ZFHX3: variants seen among roughly 807,000 people sequenced by gnomAD.
The protein encoded by ZFHX3 is zinc finger homeobox 3.
Under a neutral mutation model 279.1 loss-of-function variants are expected in ZFHX3, and 42 were observed. The ratio of observed to expected loss-of-function variants is 0.15; its 90% CI spans 0.12 to 0.19. The LOEUF is 0.19. ZFHX3 is among the 10% of genes least tolerant of loss of function. The probability of loss-of-function intolerance (pLI) is 1.00; values close to 1 mark genes in which losing one functional copy is unlikely to be tolerated. For synonymous variants in ZFHX3, 2,293 were observed against 1,957.8 expected (o/e 1.17, Z -4.52); for missense variants, 4,981 against 4,754.0 (o/e 1.05, Z -1.40).
chr16:72,995,272 T>C (rs995895027), intron 1 of ZFHX3, among the ~76,000 whole-genome samples: 10 of 152,104 alleles, frequency 6.6e-5, no homozygotes, highest in Non-Finnish European at 4.4e-5. Context: ...AAACAAGCTG[T>C]TCAAACTTTC....
At chr16:72,813,316 A>T (rs992621516) in intron 5 of ZFHX3, among the ~76,000 whole-genome samples, 1 of 152,188 alleles carries the variant, frequency 6.6e-6, no homozygotes, top group Non-Finnish European at 1.5e-5. Context: ...TTTCTGTTTT[A>T]CCCTGTCTAG....
chr16:73,255,223 T>G lies in ZFHX3; in HGVS notation c.-1104+1824A>C, dbSNP rs186629122. Among the ~76,000 whole-genome samples the G allele has an allele frequency of 1.7e-3, 254 of 152,350 alleles. 1 individual carries two copies. Among genetic ancestry groups the G allele is most frequent in the African/African-American group, 5.8e-3 (240 of 41,578 alleles). Reference sequence around the variant, plus strand: ...AGTCATTGTAAAGTGCCAAGGGCGTTGACATATACTTCATAAATGCTAAAT... The same window carrying G: ...AGTCATTGTAAAGTGCCAAGGGCGTGGACATATACTTCATAAATGCTAAAT... On this transcript the variant is annotated intron_variant, in intron 5 of 17. Transcript: ENST00000641206.
chr16:73,204,978 T>C (rs1464185522), intron 5 of ZFHX3, among the ~76,000 whole-genome samples: 1 of 152,204 alleles, frequency 6.6e-6, no homozygotes, highest in Non-Finnish European at 1.5e-5. Context: ...CTAATCTTAC[T>C]ACTACTAAAT....
intron 2 of ZFHX3, among the ~76,000 whole-genome samples, chr16:73,476,381 G>C (rs903694166): frequency 6.6e-6 from 1 of 152,088 alleles, no homozygotes; most frequent in Non-Finnish European, 1.5e-5. Flanking sequence ...AGAACGTGTA[G>C]GTTGATTTAC....
At chr16:72,920,679 A>G (rs1030395199) in intron 3 of ZFHX3, among the ~76,000 whole-genome samples, 1 of 152,020 alleles carries the variant, frequency 6.6e-6, no homozygotes, top group African/African-American at 2.4e-5. Context: ...TCAAAAAAAA[A>G]ATTAAAAAAA....
chr16:72,974,147 G>A lies in ZFHX3; in HGVS notation c.-49-13953C>T, dbSNP rs938830430. Among the ~76,000 whole-genome samples, 14 of 152,326 alleles carry A rather than the reference G, an allele frequency of 9.2e-5. 1 individual carries two copies. Among genetic ancestry groups the A allele is most frequent in the South Asian group, 2.1e-4 (1 of 4,824 alleles). ...TGCACTTGGCAGTTTGGGGAATGCA[G>A]GCAGAAGCAGCCAGGAGCCTTAAGT... On this transcript the variant is annotated intron_variant, in intron 1 of 9. Transcript: ENST00000268489.
chr16:72,860,400 T>C (rs2037856507), intron 4 of ZFHX3, among the ~76,000 whole-genome samples: 1 of 152,170 alleles, frequency 6.6e-6, no homozygotes, highest in Admixed American at 6.5e-5. Context: ...ATCAAACGTG[T>C]GTCCCTCCAA....
intron 3 of ZFHX3, among the ~76,000 whole-genome samples, chr16:72,934,080 A>G (rs1463778696): frequency 6.6e-6 from 1 of 152,034 alleles, no homozygotes; most frequent in African/African-American, 2.4e-5. Context: ...AGCCTCCCAA[A>G]GTGCTAGGAT....
intron 5 of ZFHX3, among the ~76,000 whole-genome samples, chr16:73,185,780 C>T (rs1212196046): frequency 6.6e-6 from 1 of 152,128 alleles, no homozygotes; most frequent in Non-Finnish European, 1.5e-5. Flanking sequence ...CATGGGCCCC[C>T]TAGATCCCCA....
chr16:73,221,425 G>T (rs1224341399), intron 5 of ZFHX3, among the ~76,000 whole-genome samples: 1 of 151,892 alleles, frequency 6.6e-6, no homozygotes, highest in East Asian at 1.9e-4. Flanking sequence ...CAATCTTTTA[G>T]TAGGTTTTGA....
At chr16:73,795,846 A>G (rs1959973003) in intron 1 of ZFHX3, among the ~76,000 whole-genome samples, 1 of 152,252 alleles carries the variant, frequency 6.6e-6, no homozygotes, top group African/African-American at 2.4e-5. Context: ...AGGATAGATT[A>G]GATGGCCTCT....
Position 72,796,082 on chromosome 16 carries a change from C to T in ZFHX3, c.6600G>A (p.Glu2200=), listed in dbSNP as rs560459315. The change falls in exon 9 of 10, where the codon GAG becomes GAA. Residue 2200 remains glutamate, a synonymous_variant. Coordinates refer to ENST00000268489, the MANE Select transcript of ZFHX3 (RefSeq NM_006885.4). ...AAGGGGAGTCCTTGTTACGCTGCCT[C>T]TCTTTGAAGAGAGTGTTCCTGAACC... The part of the protein sequence containing the change: ...KHWFRNTLFK[E]RQRNKDSPYN... 1.9e-6 allele frequency: 3 copies of T among 1,614,224 alleles called. No homozygotes were observed. Among genetic ancestry groups the T allele is most frequent in the African/African-American group, 2.7e-5 (2 of 75,082 alleles).
intron 3 of ZFHX3, among the ~76,000 whole-genome samples, chr16:73,325,923 ACACAAACAC>A (rs2015676560): frequency 7.5e-6 from 1 of 132,456 alleles, no homozygotes; most frequent in African/African-American, 3.0e-5. Flanking sequence ...ACACACACAC[ACACAAACAC>A]ACACACACAC....
chr16:73,772,736 C>T lies in ZFHX3; in HGVS notation c.-1607-92496G>A, dbSNP rs183848840. Reference sequence around the variant, plus strand: ...TCTCTCAATGGTATTCTTCACCTGGCCATTTGATTCTATAATAACTTCATA... The same window carrying T: ...TCTCTCAATGGTATTCTTCACCTGGTCATTTGATTCTATAATAACTTCATA... On this transcript the variant is annotated intron_variant, in intron 1 of 17. Transcript: ENST00000641206. Among the ~76,000 whole-genome samples, 133 of 152,292 alleles carry T rather than the reference C, an allele frequency of 8.7e-4. 3 individuals carry two copies. In the East Asian group the frequency reaches 0.013, roughly 15 times the overall value.
chr16:72,821,615 T>A (rs985366392), intron 5 of ZFHX3, among the ~76,000 whole-genome samples: 2 of 152,214 alleles, frequency 1.3e-5, no homozygotes. Context: ...TCAGCCCCCC[T>A]TGCTAGGTAA....
At chr16:73,036,604 G>C (rs1964915660) in intron 1 of ZFHX3, among the ~76,000 whole-genome samples, 1 of 151,990 alleles carries the variant, frequency 6.6e-6, no homozygotes, top group South Asian at 2.1e-4. Flanking sequence ...GGTGGAGGTA[G>C]AGGGTAGAGG....
At chr16:73,337,432 G>A (rs1338180486) in intron 3 of ZFHX3, among the ~76,000 whole-genome samples, 1 of 152,100 alleles carries the variant, frequency 6.6e-6, no homozygotes, top group East Asian at 1.9e-4. Context: ...GGAAGTGGGT[G>A]GATGTCTTCA....
At chr16:73,550,994 C>A (rs1250877988) in intron 2 of ZFHX3, among the ~76,000 whole-genome samples, 4 of 152,080 alleles carry the variant, frequency 2.6e-5, no homozygotes, top group African/African-American at 9.7e-5. Context: ...CTAACAAAAA[C>A]CAAGTCTTTG....
intron 1 of ZFHX3, among the ~76,000 whole-genome samples, chr16:73,012,509 T>A (rs1018027834): frequency 6.6e-6 from 1 of 152,130 alleles, no homozygotes; most frequent in Non-Finnish European, 1.5e-5. Flanking sequence ...TTGGAACAAG[T>A]GTAGGGAGGG....
Sources: allele counts gnomAD v4.1 joint callset (sites outside exome capture counted in the v4.1 genomes callset), GRCh38; gene constraint gnomAD v4.1.1; transcripts MANE v1.5; gene names NCBI Gene and HGNC (gene_info 2026-07-23, HGNC 2026-07-21).